LPO: variants seen among roughly 807,000 people sequenced by gnomAD.
The protein encoded by LPO is lactoperoxidase, also known as salivary peroxidase.
In LPO, 70 loss-of-function variants were observed where a neutral mutation model predicts 68.4. The ratio of observed to expected loss-of-function variants is 1.02; its 90% confidence interval spans 0.84 to 1.25. The LOEUF (loss-of-function observed/expected upper bound fraction) is 1.25. LPO is among the 50% of genes most tolerant of loss of function. The pLI is 0.00. For missense variants in LPO, 873 were observed against 908.4 expected, an observed-to-expected ratio of 0.96 and a Z score of 0.50; for synonymous variants, 360 against 357.6, an observed-to-expected ratio of 1.01 and a Z score of -0.08.
At chr17:58,243,170 A>G (rs891086864) in intron 2 of LPO, 115 bp downstream of exon 2, 6 of 1,022,702 alleles carry the variant, frequency 5.9e-6, no homozygotes, top group Non-Finnish European at 9.0e-6. Flanking sequence ...GAAGTCCAAA[A>G]TCAAGGTGTT....
At chr17:58,245,750 G>A (rs1456160164) in intron 3 of LPO, among the ~76,000 whole-genome samples, 2 of 152,146 alleles carry the variant, frequency 1.3e-5, no homozygotes, top group Non-Finnish European at 2.9e-5. Context: ...GGTGTTGGGA[G>A]GGACGTGCCC....
intron 1 of LPO, among the ~76,000 whole-genome samples, chr17:58,240,668 G>A (rs750334107): frequency 6.6e-6 from 1 of 152,130 alleles, no homozygotes; most frequent in Non-Finnish European, 1.5e-5. Context: ...AGCATGAAGG[G>A]GGTCCTAAAG....
chr17:58,265,352 C>T (rs377416359), intron 10 of LPO, among the ~76,000 whole-genome samples: 2 of 152,106 alleles, frequency 1.3e-5, no homozygotes, highest in East Asian at 3.8e-4. Context: ...TTGCTCTTTT[C>T]TGATCTCTTC....
At chr17:58,246,757 T>C (rs1969859799) in intron 3 of LPO, among the ~76,000 whole-genome samples, 1 of 152,134 alleles carries the variant, frequency 6.6e-6, no homozygotes, top group South Asian at 2.1e-4. Context: ...CACACGTGAG[T>C]GTGTGCTCTG....
At chr17:58,256,905 CTTAAG>C (rs1970083803) in intron 9 of LPO, among the ~76,000 whole-genome samples, 2 of 149,148 alleles carry the variant, frequency 1.3e-5, no homozygotes, top group Admixed American at 6.7e-5. Flanking sequence ...CAGTTACACT[CTTAAG>C]TTATTTGAAA....
In LPO at chr17:58,252,274, C is replaced by T. The variant is rs1969973268; in HGVS notation, c.873C>T (p.Ser291=). Residue 291 remains serine, a synonymous_variant, in exon 8 of 13, where the codon TCC becomes TCT. Transcript: ENST00000262290. ...TCTGCCCCACTCCACCCTACAAGTCCCTGGCCCGAGAGCAGATCAACGCTC... is the reference window on the plus strand; with the variant it reads ...TCTGCCCCACTCCACCCTACAAGTCTCTGGCCCGAGAGCAGATCAACGCTC... ...GFVCPTPPYK[S]LAREQINALT... 1 of 1,614,192 alleles carries T rather than the reference C, an allele frequency of 6.2e-7. No individual in the cohort carries two copies. The highest frequency in any genetic ancestry group is 1.3e-5 in the African/African-American group (1 of 75,040).
intron 2 of LPO, 27 bp downstream of exon 2, chr17:58,243,082 T>C (rs771321424): frequency 1.2e-6 from 2 of 1,606,862 alleles, no homozygotes; most frequent in East Asian, 2.2e-5. Flanking sequence ...ACGGGTTTTC[T>C]GGGGCTGCTG....
rs368246172 is a variant in LPO, at chr17:58,254,881, G to A, written c.1176G>A (p.Arg392=). ...CCCTCTTTCTCCGCGAGCATAACCGGCTGGCCAGAGAACTAAAGAGACTCA... is the reference window on the plus strand; with the variant it reads ...CCCTCTTTCTCCGCGAGCATAACCGACTGGCCAGAGAACTAAAGAGACTCA... ...SHTLFLREHN[R]LARELKRLNP... is the part of the protein sequence containing the mutation. The change falls in exon 9 of 13, where the codon CGG becomes CGA. Residue 392 remains arginine (R), a synonymous_variant. Coordinates refer to ENST00000262290, the MANE Select transcript of LPO (RefSeq NM_006151.3). The A allele has an allele frequency of 4.3e-6, 7 of 1,614,004 alleles. No individual in the cohort carries two copies. Among genetic ancestry groups the A allele is most frequent in the Non-Finnish European group, 5.9e-6 (7 of 1,180,028 alleles).
intron 8 of LPO, among the ~76,000 whole-genome samples, chr17:58,253,158 G>A (rs985050671): frequency 4.0e-5 from 6 of 151,090 alleles, no homozygotes; most frequent in Non-Finnish European, 8.8e-5. Context: ...TTCTATCACA[G>A]ATACAGTTCT....
intron 8 of LPO, 22 bp from the exon 9 acceptor site, chr17:58,254,761 GTCCTGGGGCTGTTAGGGAGAATCTACCT>G: frequency 6.3e-7 from 1 of 1,599,688 alleles, no homozygotes; most frequent in South Asian, 1.1e-5. Flanking sequence ...AGGTTACTGG[GTCCTGGGGCTGTTAGGGAGAATCTACCT>G]TCCTGCCTTC....
At chr17:58,255,240 C>T (rs548881494) in intron 9 of LPO, among the ~76,000 whole-genome samples, 70 of 152,178 alleles carry the variant, frequency 4.6e-4, no homozygotes, top group Non-Finnish European at 9.3e-4. Context: ...TGCCTGGGTG[C>T]CATTACTGGG....
At chr17:58,242,220 C>T (rs1483924258) in intron 1 of LPO, among the ~76,000 whole-genome samples, 1 of 152,228 alleles carries the variant, frequency 6.6e-6, no homozygotes, top group Non-Finnish European at 1.5e-5. Flanking sequence ...CAAAGCTTCA[C>T]AAATTTCAGT....
At chr17:58,256,239 A>G (rs1181863999) in intron 9 of LPO, among the ~76,000 whole-genome samples, 1 of 152,200 alleles carries the variant, frequency 6.6e-6, no homozygotes, top group Non-Finnish European at 1.5e-5. Flanking sequence ...TTGTTTAACC[A>G]TTCAACTTTT....
intron 2 of LPO, 35 bp from the exon 3 acceptor site, chr17:58,243,959 A>T: frequency 7.1e-7 from 1 of 1,417,080 alleles, no homozygotes; most frequent in Middle Eastern, 1.8e-4. Context: ...GTGGTGTCTG[A>T]CACCCTACTT....
At chr17:58,240,103 G>T (rs1969726286) in intron 1 of LPO, among the ~76,000 whole-genome samples, 2 of 152,312 alleles carry the variant, frequency 1.3e-5, no homozygotes, top group South Asian at 4.1e-4. Context: ...GACAGAAAAA[G>T]GAACGATCTA....
In LPO at chr17:58,250,614, C is replaced by G. The variant is rs372324686; in HGVS notation, c.773C>G (p.Pro258Arg). The change falls in exon 7 of 13, where the codon CCC becomes CGC. Residue 258 changes from proline (P) to arginine (R), a missense_variant. By Grantham distance (103) the Pro-to-Arg change is moderately radical (BLOSUM62 -2). Coordinates refer to ENST00000262290, the MANE Select transcript of LPO (RefSeq NM_006151.3). The stretch of plus-strand genomic sequence containing the variant: ...TGTATCCAGGGAGACAACTGCTTCC[C>G]CATCATGGTACGGCCCTGCAGCTAG... ...EYCIQGDNCF[P>R]IMFPPNDPKA... The G allele has an allele frequency of 6.8e-6, 11 of 1,614,002 alleles. No individual in the cohort carries two copies. The highest frequency in any genetic ancestry group is 8.5e-6 in the Non-Finnish European group (10 of 1,180,000).
intron 5 of LPO, 175 bp from the exon 6 acceptor site, chr17:58,249,391 C>CG: frequency 9.3e-7 from 1 of 1,071,452 alleles, no homozygotes; most frequent in Non-Finnish European, 1.3e-6. Context: ...TTCCCCGGGG[C>CG]GGGGGAGCCC....
At chr17:58,254,744 T>C (rs1970037136) in intron 8 of LPO, 67 bp from the exon 9 acceptor site, 1 of 1,545,032 alleles carries the variant, frequency 6.5e-7, no homozygotes, top group Non-Finnish European at 8.8e-7. Flanking sequence ...CCATCATTTC[T>C]TTGTGCAGGT....
In LPO at chr17:58,266,161, G is replaced by A. The variant is rs775341179; in HGVS notation, c.1528G>A (p.Asp510Asn). The A allele has an allele frequency of 6.2e-7, 1 of 1,613,930 alleles. No individual in the cohort carries two copies. The highest frequency in any genetic ancestry group is 2.2e-5 in the East Asian group (1 of 44,870). ...TGGGTCTCCCTTGGCAGGTGGAATTGATCCTCTGGTGCGGGGCCTGCTGGC... is the reference window on the plus strand; with the variant it reads ...TGGGTCTCCCTTGGCAGGTGGAATTAATCCTCTGGTGCGGGGCCTGCTGGC... ...TWRMVKDGGIDPLVRGLLAKK... is the reference protein window; with the variant it reads ...TWRMVKDGGINPLVRGLLAKK... The change falls in exon 11 of 13, where the codon GAT (aspartate) becomes AAT (asparagine). Residue 510 changes from aspartate (D) to asparagine (N), a missense_variant. Physicochemically the swap from Asp to Asn is conservative, Grantham distance 23. Coordinates refer to ENST00000262290, the MANE Select transcript of LPO (RefSeq NM_006151.3).
Sources: allele counts gnomAD v4.1 joint callset (sites outside exome capture counted in the v4.1 genomes callset), GRCh38; gene constraint gnomAD v4.1.1; transcripts MANE v1.5; gene names NCBI Gene and HGNC (gene_info 2026-07-23, HGNC 2026-07-21).